The following AFF1 variants were observed in gnomAD, a reference collection of about 807,000 sequenced individuals.
AFF1 encodes ALF transcription elongation factor 1.
Under a neutral mutation model 121.7 loss-of-function variants are expected in AFF1, and 48 were observed. The ratio of observed to expected loss-of-function variants is 0.39; its 90% CI spans 0.31 to 0.50. The LOEUF is 0.50. Among genes scored for constraint, AFF1 ranks in the 20% least tolerant of loss-of-function variants. AFF1 has a pLI of 0.76. For missense variants in AFF1, 1,523 were observed against 1,511.7 expected, an observed-to-expected ratio of 1.01 and a Z score of -0.12; for synonymous variants, 613 against 563.0, an observed-to-expected ratio of 1.09 and a Z score of -1.26.
intron 10 of AFF1, 129 bp from the exon 11 acceptor site, chr4:87,108,030 A>G: frequency 1.1e-6 from 1 of 936,380 alleles, no homozygotes; most frequent in East Asian, 2.6e-5. Flanking sequence ...CAGTTGGATG[A>G]CATGATAGTT....
In AFF1 at chr4:87,135,967, A is replaced by C. The variant is rs1729267317; in HGVS notation, c.*266A>C. ...AAGGACAGAAGTGCAATTTAGCTTA[A>C]ATGGGTGTATGAATGGTCTAGAAAC... On this transcript the variant is annotated 3_prime_UTR_variant, in exon 21 of 21. Coordinates refer to ENST00000395146, the MANE Select transcript of AFF1 (RefSeq NM_001166693.3). 9.9e-6 allele frequency: 4 copies of C among 404,764 alleles called. No homozygotes were observed. The highest frequency in any genetic ancestry group is 1.7e-5 in the Non-Finnish European group (4 of 233,512). The allele number at this position is 404,764 out of a possible 1,614,324, so 25.1% of individuals were successfully genotyped here. A position where few individuals can be genotyped will look rare whatever the true frequency, so the allele number is the denominator to read the frequency against.
intron 2 of AFF1, among the ~76,000 whole-genome samples, chr4:86,970,788 G>C (rs561056952): frequency 3.3e-5 from 5 of 152,326 alleles, no homozygotes; most frequent in African/African-American, 9.6e-5. Context: ...CTGGAGCTGG[G>C]GGTGGAGGGA....
chr4:87,124,312 C>A (rs1728004406), intron 12 of AFF1, among the ~76,000 whole-genome samples: 1 of 151,936 alleles, frequency 6.6e-6, no homozygotes, highest in African/African-American at 2.4e-5. Flanking sequence ...CTTACTCCCA[C>A]TAAAATATTT....
intron 2 of AFF1, among the ~76,000 whole-genome samples, chr4:86,952,842 G>A (rs1280944860): frequency 6.6e-5 from 10 of 150,834 alleles, no homozygotes; most frequent in African/African-American, 2.0e-4. Flanking sequence ...CACCACGCCC[G>A]GCTACTTTTT....
chr4:86,982,577 G>C (rs1432131915), intron 2 of AFF1, among the ~76,000 whole-genome samples: 1 of 151,342 alleles, frequency 6.6e-6, no homozygotes, highest in East Asian at 1.9e-4. Flanking sequence ...AAGAACTTGG[G>C]CTGGGCGTGG....
At chr4:87,118,291 C>T (rs1391776684) in intron 12 of AFF1, among the ~76,000 whole-genome samples, 1 of 115,458 alleles carries the variant, frequency 8.7e-6, no homozygotes, top group Non-Finnish European at 1.8e-5. Flanking sequence ...TTAGACATGG[C>T]ACCTATAGAA....
At chr4:86,992,189 A>C (rs1002209230) in intron 2 of AFF1, among the ~76,000 whole-genome samples, 1 of 152,182 alleles carries the variant, frequency 6.6e-6, no homozygotes, top group Non-Finnish European at 1.5e-5. Context: ...GTGCAGGGTC[A>C]TATCTCAGTC....
intron 4 of AFF1, among the ~76,000 whole-genome samples, chr4:87,062,801 GTATA>G (rs1720915499): frequency 6.6e-6 from 1 of 152,148 alleles, no homozygotes; most frequent in Non-Finnish European, 1.5e-5. Context: ...TGGTGAATAA[GTATA>G]TAATACAGCA....
intron 10 of AFF1, among the ~76,000 whole-genome samples, chr4:87,106,791 A>G (rs1358222310): frequency 6.6e-6 from 1 of 152,260 alleles, no homozygotes; most frequent in Non-Finnish European, 1.5e-5. Flanking sequence ...CCACTCAGAG[A>G]CGACATTAGC....
At chr4:86,994,055 C>T (rs945995717) in intron 2 of AFF1, among the ~76,000 whole-genome samples, 1 of 152,238 alleles carries the variant, frequency 6.6e-6, no homozygotes, top group Non-Finnish European at 1.5e-5. Flanking sequence ...TTATAGGCCT[C>T]TCATGTTAGA....
At chr4:86,996,106 G>T (rs1352309406) in intron 2 of AFF1, among the ~76,000 whole-genome samples, 2 of 151,064 alleles carry the variant, frequency 1.3e-5, no homozygotes, top group Non-Finnish European at 3.0e-5. Flanking sequence ...GAGGTGGGGG[G>T]GTCAGGCCCC....
At chr4:86,970,745 G>A (rs375181044) in intron 2 of AFF1, among the ~76,000 whole-genome samples, 18 of 152,206 alleles carry the variant, frequency 1.2e-4, no homozygotes, top group Non-Finnish European at 2.4e-4. Flanking sequence ...GGTTATGTTC[G>A]AGCAGAGACC....
chr4:87,047,545 C>T lies in AFF1; in HGVS notation c.1010C>T (p.Pro337Leu). 3 of 1,614,208 alleles carry T rather than the reference C, an allele frequency of 1.9e-6. No individual in the cohort carries two copies. The highest frequency in any genetic ancestry group is 2.2e-5 in the South Asian group (2 of 91,090). ...QTFEKTDLKV[P>L]AKAKLTKLKM... ...TTTGAAAAAACAGACTTGAAAGTGC[C>T]TGCCAAAGCCAAGCTCACCAAACTG... Residue 337 changes from proline (P) to leucine (L), a missense_variant, in exon 4 of 21, where the codon CCT (proline) becomes CTT (leucine). Transcript: ENST00000395146.
intron 7 of AFF1, among the ~76,000 whole-genome samples, chr4:87,094,680 A>G (rs1055993130): frequency 2.0e-5 from 3 of 152,220 alleles, no homozygotes; most frequent in Non-Finnish European, 4.4e-5. Context: ...TCCTGGCGTC[A>G]TAGGTAGGGT....
intron 4 of AFF1, among the ~76,000 whole-genome samples, chr4:87,060,867 A>AAAAAAAAAAAAAAAAAAAAC (rs1560586070): frequency 2.4e-5 from 1 of 41,066 alleles, no homozygotes; most frequent in Admixed American, 2.0e-4. Context: ...AAAAAAAAAA[A>AAAAAAAAAAAAAAAAAAAAC]CACAAAAAAA....
chr4:87,126,386 T>C (rs1204761082), intron 14 of AFF1, 50 bp downstream of exon 14: 4 of 1,541,676 alleles, frequency 2.6e-6, no homozygotes, highest in Non-Finnish European at 2.7e-6. Context: ...TTGCTGTACC[T>C]TTACGTTCCC....
intron 2 of AFF1, among the ~76,000 whole-genome samples, chr4:86,996,070 G>A (rs4386567): frequency 2.7e-5 from 4 of 150,558 alleles, no homozygotes; most frequent in Non-Finnish European, 5.9e-5. Context: ...GAGCGTCTCT[G>A]CCCGGCAGCC....
chr4:87,056,195 A>G (rs1720123404), intron 4 of AFF1, among the ~76,000 whole-genome samples: 1 of 152,032 alleles, frequency 6.6e-6, no homozygotes, highest in Non-Finnish European at 1.5e-5. Flanking sequence ...AGGCCTCAGT[A>G]TTTAAGTAAT....
At chr4:86,997,746 A>T (rs1047498382) in intron 2 of AFF1, among the ~76,000 whole-genome samples, 3 of 147,440 alleles carry the variant, frequency 2.0e-5, no homozygotes, top group African/African-American at 7.5e-5. Context: ...TGGGCAACAG[A>T]TCGAGACTCC....
Sources: allele counts gnomAD v4.1 joint callset (sites outside exome capture counted in the v4.1 genomes callset), GRCh38; gene constraint gnomAD v4.1.1; transcripts MANE v1.5; gene names NCBI Gene and HGNC (gene_info 2026-07-23, HGNC 2026-07-21).